ADGRL3: variants seen among roughly 807,000 people sequenced by gnomAD.
The protein encoded by ADGRL3 is calcium-independent alpha-latrotoxin receptor 3.
Under a neutral mutation model 153.5 loss-of-function variants are expected in ADGRL3, and 62 were observed. The ratio of observed to expected loss-of-function variants is 0.40; its 90% CI spans 0.33 to 0.50. The LOEUF is 0.50. Among genes scored for constraint, ADGRL3 ranks in the 20% least tolerant of loss-of-function variants. The pLI, the probability that ADGRL3 is intolerant of heterozygous loss-of-function variation, is 0.47. For synonymous variants in ADGRL3, 710 were observed against 672.5 expected (o/e 1.06, Z -0.86); for missense variants, 1,641 against 1,859.4 (o/e 0.88, Z 2.16).
intron 6 of ADGRL3, among the ~76,000 whole-genome samples, chr4:61,680,288 C>T (rs185704170): frequency 7.1e-6 from 1 of 141,038 alleles, no homozygotes; most frequent in East Asian, 2.2e-4. Context: ...TATCCATTTC[C>T]ATTTCGAATT....
Position 61,746,808 on chromosome 4 carries a change from A to G in ADGRL3, c.1399+13254A>G, listed in dbSNP as rs930809635. Among the ~76,000 whole-genome samples the G allele has an allele frequency of 3.9e-5, 6 of 152,254 alleles. No individual in the cohort carries two copies. The East Asian group carries it at 1.2e-3, about 29-fold the overall frequency. On this transcript the variant is annotated intron_variant, in intron 8 of 26. Transcript: ENST00000683033. Reference sequence around the variant, plus strand: ...TCACAATTAAAAGAACTAGAAAAGCAAGAGCAAACACATTCAAAAGCTAGC... The same window carrying G: ...TCACAATTAAAAGAACTAGAAAAGCGAGAGCAAACACATTCAAAAGCTAGC...
intron 1 of ADGRL3, among the ~76,000 whole-genome samples, chr4:61,243,111 A>G (rs1053241305): frequency 2.9e-4 from 44 of 152,196 alleles, no homozygotes; most frequent in African/African-American, 1.0e-3. Flanking sequence ...ACATTTAAAG[A>G]TGAGTAAGAT....
At chr4:61,629,765 A>AAAAG (rs2093048266) in intron 5 of ADGRL3, among the ~76,000 whole-genome samples, 1 of 120,862 alleles carries the variant, frequency 8.3e-6, no homozygotes, top group African/African-American at 3.1e-5. Context: ...AAAAAAAAAA[A>AAAAG]ATTCCAAGTC....
chr4:61,642,090 G>C lies in ADGRL3; in HGVS notation c.474-34736G>C, dbSNP rs2093704242. 2.7e-5 allele frequency among the ~76,000 whole-genome samples: 4 copies of C among 148,756 alleles called. No individual in the cohort carries two copies. In the South Asian group the frequency reaches 6.5e-4, roughly 24 times the overall value. On this transcript the variant is annotated intron_variant, in intron 5 of 26. Transcript: ENST00000683033. Reference sequence around the variant, plus strand: ...TTTGGCTGCATAAATGTCTTCTTTTGAGAAGTGTCTGTTCATGTCCTTTGC... The same window carrying C: ...TTTGGCTGCATAAATGTCTTCTTTTCAGAAGTGTCTGTTCATGTCCTTTGC...
intron 1 of ADGRL3, among the ~76,000 whole-genome samples, chr4:61,225,142 A>G (rs1747358102): frequency 6.6e-6 from 1 of 152,200 alleles, no homozygotes; most frequent in Admixed American, 6.5e-5. Flanking sequence ...TTATAATTCA[A>G]CCCTGGAATT....
intron 1 of ADGRL3, among the ~76,000 whole-genome samples, chr4:61,275,327 C>T (rs1192550488): frequency 1.3e-5 from 2 of 152,126 alleles, no homozygotes; most frequent in African/African-American, 2.4e-5. Flanking sequence ...CTTTTTAAAA[C>T]CTGATAAAAC....
At chr4:61,619,401 G>C (rs1434183472) in intron 5 of ADGRL3, among the ~76,000 whole-genome samples, 1 of 151,888 alleles carries the variant, frequency 6.6e-6, no homozygotes, top group African/African-American at 2.4e-5. Flanking sequence ...ATTTTCTTTG[G>C]AAGGAGATAT....
At chr4:61,470,622 A>G (rs574794312) in intron 2 of ADGRL3, among the ~76,000 whole-genome samples, 2 of 151,962 alleles carry the variant, frequency 1.3e-5, no homozygotes, top group Admixed American at 6.6e-5. Context: ...TTTCTATATT[A>G]AAAGGTAGTA....
chr4:61,417,719 T>G (rs2152311654), intron 2 of ADGRL3, among the ~76,000 whole-genome samples: 1 of 152,102 alleles, frequency 6.6e-6, no homozygotes, highest in East Asian at 1.9e-4. Context: ...TTTTTTTCAC[T>G]TTTAGAGGAG....
At chr4:61,235,906 T>A (rs114504307) in intron 1 of ADGRL3, among the ~76,000 whole-genome samples, 3,078 of 152,240 alleles carry the variant, frequency 0.02, 104 homozygotes, top group African/African-American at 0.063. Flanking sequence ...CACATTCCAT[T>A]TATGTATATC....
chr4:61,370,896 T>C (rs2096510471), intron 1 of ADGRL3, among the ~76,000 whole-genome samples: 1 of 151,542 alleles, frequency 6.6e-6, no homozygotes, highest in Non-Finnish European at 1.5e-5. Context: ...AGGACTTGCT[T>C]TATGAATCTG....
At chr4:61,566,524 TTTGTAC>T (rs142653665) in intron 4 of ADGRL3, among the ~76,000 whole-genome samples, 2,768 of 152,236 alleles carry the variant, frequency 0.018, 31 homozygotes, top group Non-Finnish European at 0.027. Context: ...CTCTGGCAGG[TTTGTAC>T]TTGCAATTTT....
chr4:62,017,112 AGAT>A (rs1368805919), intron 21 of ADGRL3, among the ~76,000 whole-genome samples: 3 of 152,086 alleles, frequency 2.0e-5, no homozygotes, highest in East Asian at 3.9e-4. Context: ...TTTTCTATGG[AGAT>A]GATGATATCA....
intron 25 of ADGRL3, among the ~76,000 whole-genome samples, chr4:62,045,400 C>T (rs1441495252): frequency 1.3e-5 from 2 of 151,944 alleles, no homozygotes; most frequent in Non-Finnish European, 2.9e-5. Context: ...GGGAAGGAGG[C>T]ATTTGCATGA....
rs193019704 is a variant in ADGRL3 at position 61,930,707 on chromosome 4, A to G, written c.2113-4133A>G. Among the ~76,000 whole-genome samples the G allele has an allele frequency of 4.3e-4, 66 of 152,256 alleles. 1 individual carries two copies. Among genetic ancestry groups the G allele is most frequent in the Non-Finnish European group, 5.4e-4 (37 of 68,012 alleles). On this transcript the variant is annotated intron_variant, in intron 13 of 26. Coordinates refer to ENST00000683033, the MANE Select transcript of ADGRL3 (RefSeq NM_001387552.1). ...GTATCTAGTAGGATATGGTATGTCC[A>G]TAATCTTGGTGTGAATCAAAATGAC...
intron 2 of ADGRL3, among the ~76,000 whole-genome samples, chr4:61,434,052 T>C (rs1352481037): frequency 6.6e-6 from 1 of 152,084 alleles, no homozygotes; most frequent in East Asian, 1.9e-4. Context: ...GCCACCTGAT[T>C]TTCTGATTCA....
intron 2 of ADGRL3, among the ~76,000 whole-genome samples, chr4:61,484,899 A>T (rs1330549028): frequency 7.8e-4 from 54 of 69,424 alleles, no homozygotes; most frequent in Non-Finnish European, 2.2e-4. Flanking sequence ...TTATCAAACC[A>T]TTACTGTAAA....
Position 61,726,210 on chromosome 4 carries a change from G to GTTTTTTTTTTTTTTTTTTTTTTTTTT in ADGRL3, c.584-4406_584-4405insTTTTTTTTTTTTTTTTTTTTTTTTTT, listed in dbSNP as rs149472429. Among the ~76,000 whole-genome samples the GTTTTTTTTTTTTTTTTTTTTTTTTTT allele has an allele frequency of 2.4e-3, 281 of 118,344 alleles. 28 individuals are homozygous for GTTTTTTTTTTTTTTTTTTTTTTTTTT. Among genetic ancestry groups the GTTTTTTTTTTTTTTTTTTTTTTTTTT allele is most frequent in the Admixed American group, 3.3e-3 (33 of 9,866 alleles). The allele number at this position is 118,344 out of a possible 152,430, so 77.6% of individuals were successfully genotyped here. On this transcript the variant is annotated intron_variant, in intron 6 of 26. Coordinates refer to ENST00000683033, the MANE Select transcript of ADGRL3 (RefSeq NM_001387552.1). ...AATACTCACTGGAACTTTTTTTTTT[G>GTTTTTTTTTTTTTTTTTTTTTTTTTT]TTTTTTGAGAAGGAGTCTCACCCTG...
chr4:61,869,960 A>AAGAGAG (rs1311740882), intron 9 of ADGRL3, among the ~76,000 whole-genome samples: 19 of 101,864 alleles, frequency 1.9e-4, no homozygotes, highest in East Asian at 2.6e-4. Flanking sequence ...AAAAAAAAAA[A>AAGAGAG]AGAGAGAGAG....
Sources: allele counts gnomAD v4.1 joint callset (sites outside exome capture counted in the v4.1 genomes callset), GRCh38; gene constraint gnomAD v4.1.1; transcripts MANE v1.5; gene names NCBI Gene and HGNC (gene_info 2026-07-23, HGNC 2026-07-21).